Variants in RALGPS1 observed in about 807,000 individuals in gnomAD.
RALGPS1 encodes the protein ras-specific guanine nucleotide-releasing factor RalGPS1.
A neutral mutation model predicts 78.8 loss-of-function variants in RALGPS1; 19 were observed. The ratio of observed to expected loss-of-function variants is 0.24; its 90% CI spans 0.17 to 0.35. The LOEUF is 0.35. RALGPS1 is among the 10% of genes least tolerant of loss of function. The pLI is 1.00. For missense variants in RALGPS1, 454 were observed against 688.3 expected, an observed-to-expected ratio of 0.66 and a Z score of 3.81; for synonymous variants, 228 against 256.3, an observed-to-expected ratio of 0.89 and a Z score of 1.06.
intron 14 of RALGPS1, among the ~76,000 whole-genome samples, chr9:127,203,853 G>A (rs1359670017): frequency 1.3e-5 from 2 of 152,322 alleles, no homozygotes; most frequent in South Asian, 2.1e-4. Context: ...GGCAGGACCT[G>A]GGACCTGAAG....
intron 18 of RALGPS1, among the ~76,000 whole-genome samples, chr9:127,215,476 G>T (rs911071952): frequency 6.6e-6 from 1 of 152,232 alleles, no homozygotes; most frequent in African/African-American, 2.4e-5. Flanking sequence ...ACATCCCTGT[G>T]AGGTAGATTC....
intron 4 of RALGPS1, among the ~76,000 whole-genome samples, chr9:127,007,503 C>T (rs1179097483): frequency 6.6e-6 from 1 of 152,108 alleles, no homozygotes; most frequent in Non-Finnish European, 1.5e-5. Context: ...CGTAGAAGTA[C>T]ATAGAAGGAG....
intron 14 of RALGPS1, among the ~76,000 whole-genome samples, chr9:127,207,111 C>T (rs1329490472): frequency 6.6e-6 from 1 of 152,012 alleles, no homozygotes; most frequent in African/African-American, 2.4e-5. Context: ...ACCGTTACCA[C>T]CATCACCATC....
intron 8 of RALGPS1, among the ~76,000 whole-genome samples, chr9:127,127,149 A>T (rs1441372052): frequency 6.6e-6 from 1 of 152,066 alleles, no homozygotes; most frequent in African/African-American, 2.4e-5. Context: ...GCATTTCCCC[A>T]CTAACTTTCC....
At chr9:127,180,471 C>A (rs1413294877) in intron 11 of RALGPS1, among the ~76,000 whole-genome samples, 4 of 152,242 alleles carry the variant, frequency 2.6e-5, no homozygotes, top group African/African-American at 9.6e-5. Flanking sequence ...CAGTTCTTAG[C>A]TGTAGGCCCT....
intron 8 of RALGPS1, among the ~76,000 whole-genome samples, chr9:127,121,427 A>G (rs1162558372): frequency 6.6e-6 from 1 of 152,190 alleles, no homozygotes; most frequent in South Asian, 2.1e-4. Flanking sequence ...GGCATTCTCA[A>G]TTTTCCCCAG....
At chr9:127,003,549 A>G (rs1322249795) in intron 4 of RALGPS1, among the ~76,000 whole-genome samples, 3 of 152,152 alleles carry the variant, frequency 2.0e-5, no homozygotes, top group African/African-American at 4.8e-5. Context: ...AAAAGTCACA[A>G]ACGTTCTTGA....
chr9:127,065,930 A>G lies in RALGPS1; in HGVS notation c.484-3300A>G, dbSNP rs1355605513. Among the ~76,000 whole-genome samples, 18 of 152,230 alleles carry G rather than the reference A, an allele frequency of 1.2e-4. 1 individual carries two copies. Among genetic ancestry groups the G allele is most frequent in the Non-Finnish European group, 1.3e-4 (9 of 68,040 alleles). On this transcript the variant is annotated intron_variant, in intron 7 of 18. Coordinates refer to ENST00000259351, the MANE Select transcript of RALGPS1 (RefSeq NM_014636.3). The stretch of plus-strand genomic sequence containing the variant: ...GTTTTCTGATGTCTTCTAGTGACTT[A>G]TGCACTATTCTTGAGAAATCTGATA...
chr9:127,081,923 C>T (rs1217565912), intron 8 of RALGPS1, among the ~76,000 whole-genome samples: 1 of 152,250 alleles, frequency 6.6e-6, no homozygotes, highest in African/African-American at 2.4e-5. Context: ...TGCGTCTGGG[C>T]TCCCAGTGTG....
chr9:126,923,772 C>G (rs1046311375), intron 1 of RALGPS1, among the ~76,000 whole-genome samples: 1 of 152,182 alleles, frequency 6.6e-6, no homozygotes, highest in Admixed American at 6.5e-5. Flanking sequence ...TGGCCTCAAG[C>G]GATCCTCCTG....
At position 126,981,525 on chromosome 9, in the gene RALGPS1, G is replaced by T. The variant is rs553517083; in HGVS notation, c.216+3780G>T. On this transcript the variant is annotated intron_variant, in intron 4 of 18. Coordinates refer to ENST00000259351, the MANE Select transcript of RALGPS1 (RefSeq NM_014636.3). Reference sequence around the variant, plus strand: ...TGCCCAATGGCTCACTATGCACAGGGTTGAAAAGGGGTGGGTGCTGATGTG... The same window carrying T: ...TGCCCAATGGCTCACTATGCACAGGTTTGAAAAGGGGTGGGTGCTGATGTG... Among the ~76,000 whole-genome samples, 7 of 152,312 alleles carry T rather than the reference G, an allele frequency of 4.6e-5. No homozygotes were observed. In the East Asian group the frequency reaches 1.4e-3, roughly 29 times the overall value.
At chr9:126,996,870 G>A (rs2098999189) in intron 4 of RALGPS1, among the ~76,000 whole-genome samples, 1 of 152,176 alleles carries the variant, frequency 6.6e-6, no homozygotes, top group African/African-American at 2.4e-5. Flanking sequence ...ATGCAAGGCT[G>A]GTTCAACATA....
At chr9:127,131,117 G>A (rs1024593138) in intron 8 of RALGPS1, among the ~76,000 whole-genome samples, 3 of 152,228 alleles carry the variant, frequency 2.0e-5, no homozygotes, top group Admixed American at 1.3e-4. Context: ...ACTGTGGGCT[G>A]TGGGGGTGGA....
chr9:127,050,722 G>A (rs1043712803), intron 6 of RALGPS1, among the ~76,000 whole-genome samples: 2 of 151,890 alleles, frequency 1.3e-5, no homozygotes, highest in Non-Finnish European at 2.9e-5. Context: ...ATGCCATCCC[G>A]TGGGCCATCC....
In RALGPS1 at chr9:127,001,483, G is replaced by T. The variant is rs74870335; in HGVS notation, c.216+23738G>T. On this transcript the variant is annotated intron_variant, in intron 4 of 18. Coordinates refer to ENST00000259351, the MANE Select transcript of RALGPS1 (RefSeq NM_014636.3). ...TTTTAAACTTATAGTCTACTTTCAA[G>T]TGATAATATACCATTTTATGTATAG... is the stretch of plus-strand genomic sequence containing the variant. Among the ~76,000 whole-genome samples, 256 of 152,240 alleles carry T rather than the reference G, an allele frequency of 1.7e-3. 5 individuals carry two copies. In the East Asian group the frequency reaches 0.045, roughly 27 times the overall value.
At chr9:127,028,614 C>T (rs1404023193) in intron 4 of RALGPS1, among the ~76,000 whole-genome samples, 7 of 152,208 alleles carry the variant, frequency 4.6e-5, no homozygotes, top group Non-Finnish European at 1.0e-4. Flanking sequence ...CAGGGGCTCT[C>T]CTGGCCTGGA....
intron 17 of RALGPS1, among the ~76,000 whole-genome samples, chr9:127,213,410 C>T (rs542514079): frequency 1.9e-4 from 29 of 152,360 alleles, no homozygotes; most frequent in South Asian, 1.4e-3. Context: ...CAGGGATCCC[C>T]TCACATGCCT....
In RALGPS1 at chr9:127,011,196, A is replaced by G. The variant is rs184501169; in HGVS notation, c.217-23235A>G. Among the ~76,000 whole-genome samples the G allele has an allele frequency of 5.1e-4, 77 of 151,012 alleles. No homozygotes were observed. The East Asian group carries it at 0.015, about 29-fold the overall frequency. ...CCCCCCAGCCCGCCTTTTTTTTTTGAGATGGAGTTTTGCTCTTGTTGTCCA... is the reference window on the plus strand; with the variant it reads ...CCCCCCAGCCCGCCTTTTTTTTTTGGGATGGAGTTTTGCTCTTGTTGTCCA... On this transcript the variant is annotated intron_variant, in intron 4 of 18. Transcript: ENST00000259351.
chr9:126,940,992 CAAT>C (rs749149365), intron 1 of RALGPS1, among the ~76,000 whole-genome samples: 1 of 152,198 alleles, frequency 6.6e-6, no homozygotes, highest in Non-Finnish European at 1.5e-5. Context: ...AAGTGCCATA[CAAT>C]AATGCCATTA....
Sources: gnomAD v4.1 joint callset for allele counts (sites outside exome capture counted in the v4.1 genomes callset) on GRCh38, gnomAD v4.1.1 for gene constraint, MANE v1.5 for transcripts, NCBI Gene and HGNC (gene_info 2026-07-23, HGNC 2026-07-21) for gene names.